Variants in AGMO observed in about 807,000 individuals in gnomAD.
AGMO encodes the protein glyceryl-ether monooxygenase.
In AGMO, 75 loss-of-function variants were observed where a neutral mutation model predicts 60.2. The observed-to-expected ratio is 1.25, with a 90% confidence interval of 1.03 to 1.51. The LOEUF (loss-of-function observed/expected upper bound fraction) is 1.51, where lower values mean the gene tolerates loss of function less well. AGMO is among the 40% of genes most tolerant of loss of function. AGMO has a pLI of 0.00. For synonymous variants in AGMO, 261 were observed against 177.1 expected (o/e 1.47, Z -3.76); for missense variants, 763 against 525.5 (o/e 1.45, Z -4.42).
chr7:15,548,129 CA>C (rs1486489887), intron 2 of AGMO, among the ~76,000 whole-genome samples: 1 of 152,052 alleles, frequency 6.6e-6, no homozygotes, highest in Non-Finnish European at 1.5e-5. Context: ...GGAAAACTAA[CA>C]AACAGAAAGG....
intron 12 of AGMO, among the ~76,000 whole-genome samples, chr7:15,262,901 C>G (rs1783315662): frequency 6.6e-6 from 1 of 151,950 alleles, no homozygotes; most frequent in Admixed American, 6.6e-5. Flanking sequence ...AAACTGGATC[C>G]ACATCTCTCA....
chr7:15,316,521 G>A (rs1176957837), intron 12 of AGMO, among the ~76,000 whole-genome samples: 1 of 152,100 alleles, frequency 6.6e-6, no homozygotes, highest in African/African-American at 2.4e-5. Flanking sequence ...CTTTTGATAA[G>A]GAAGTGTTAC....
chr7:15,353,151 A>G (rs1340367030), intron 12 of AGMO, among the ~76,000 whole-genome samples: 1 of 152,186 alleles, frequency 6.6e-6, no homozygotes, highest in Non-Finnish European at 1.5e-5. Flanking sequence ...GGGTGGAAAT[A>G]ACTTCTTAGG....
At chr7:15,280,119 A>G in intron 12 of AGMO, among the ~76,000 whole-genome samples, 1 of 152,110 alleles carries the variant, frequency 6.6e-6, no homozygotes, top group East Asian at 1.9e-4. Context: ...GAAATTGGGC[A>G]CCCCAGGTTT....
chr7:15,161,046 A>C, the AGMO span, among the ~76,000 whole-genome samples: 1 of 152,182 alleles, frequency 6.6e-6, no homozygotes, highest in Non-Finnish European at 1.5e-5. Flanking sequence ...ACCCACTTGC[A>C]CAATAATGAA....
chr7:15,287,538 A>T (rs1784133088), intron 12 of AGMO, among the ~76,000 whole-genome samples: 1 of 152,210 alleles, frequency 6.6e-6, no homozygotes, highest in Non-Finnish European at 1.5e-5. Flanking sequence ...CTATCTTGCT[A>T]AGAAAGTCAT....
intron 3 of AGMO, among the ~76,000 whole-genome samples, chr7:15,490,294 T>A (rs1783037115): frequency 6.6e-6 from 1 of 152,216 alleles, no homozygotes; most frequent in Non-Finnish European, 1.5e-5. Context: ...TCTGGTGGTA[T>A]AAATGTGTGA....
chr7:15,439,108 C>T (rs1424891791), intron 3 of AGMO, among the ~76,000 whole-genome samples: 3 of 152,046 alleles, frequency 2.0e-5, no homozygotes, highest in Non-Finnish European at 2.9e-5. Flanking sequence ...TATAGAAAAT[C>T]GAGAACATGA....
At chr7:15,269,269 T>C (rs1783524582) in intron 12 of AGMO, among the ~76,000 whole-genome samples, 1 of 152,090 alleles carries the variant, frequency 6.6e-6, no homozygotes, top group African/African-American at 2.4e-5. Context: ...ATATCAATAG[T>C]CTTTTCTTCC....
intron 2 of AGMO, among the ~76,000 whole-genome samples, chr7:15,547,259 G>T (rs1343557744): frequency 6.6e-6 from 1 of 152,112 alleles, no homozygotes; most frequent in African/African-American, 2.4e-5. Context: ...ATTTTCCCCA[G>T]TTGATAACCT....
chr7:15,354,387 T>TATACAGACGC lies in AGMO; in HGVS notation c.1263+11126_1263+11127insGCGTCTGTAT, dbSNP rs1563105157. Reference sequence around the variant, plus strand: ...GTATATAGACGTGTGTATACACGTGTGTGTATACACGTGTGTGTACACACG... The same window carrying TATACAGACGC: ...GTATATAGACGTGTGTATACACGTGTATACAGACGCGTGTATACACGTGTGTGTACACACG... On this transcript the variant is annotated intron_variant, in intron 12 of 12. Transcript: ENST00000342526. Among the ~76,000 whole-genome samples the TATACAGACGC allele has an allele frequency of 1.2e-3, 47 of 38,162 alleles. 4 individuals are homozygous for TATACAGACGC. Among genetic ancestry groups the TATACAGACGC allele is most frequent in the South Asian group, 1.8e-3 (2 of 1,112 alleles). The allele number at this position is 38,162 out of a possible 152,430, so 25.0% of individuals were successfully genotyped here.
chr7:15,187,161 A>C, the AGMO span, among the ~76,000 whole-genome samples: 1 of 152,130 alleles, frequency 6.6e-6, no homozygotes, highest in African/African-American at 2.4e-5. Flanking sequence ...ATTTTATAGA[A>C]TTGTGTCTAT....
At chr7:15,271,396 T>C (rs1056947551) in intron 12 of AGMO, among the ~76,000 whole-genome samples, 2 of 152,198 alleles carry the variant, frequency 1.3e-5, no homozygotes, top group Non-Finnish European at 2.9e-5. Flanking sequence ...CTTGGTTAAA[T>C]GTATTCCTAG....
At chr7:15,479,705 G>C (rs1297672651) in intron 3 of AGMO, among the ~76,000 whole-genome samples, 1 of 152,138 alleles carries the variant, frequency 6.6e-6, no homozygotes, top group East Asian at 1.9e-4. Flanking sequence ...CATCAACCCT[G>C]AAGGCCTGCC....
At position 15,354,399 on chromosome 7, in the gene AGMO, TGTGTGTAC is replaced by T. The variant is rs1563105305; in HGVS notation, c.1263+11107_1263+11114del. Among the ~76,000 whole-genome samples the T allele has an allele frequency of 4.5e-4, 15 of 33,234 alleles. 1 individual carries two copies. Among genetic ancestry groups the T allele is most frequent in the African/African-American group, 4.2e-3 (13 of 3,104 alleles). 21.8% of individuals were successfully genotyped at this position (33,234 alleles called of 152,430 possible). On this transcript the variant is annotated intron_variant, in intron 12 of 12. Coordinates refer to ENST00000342526, the MANE Select transcript of AGMO (RefSeq NM_001004320.2). ...GTGTATACACGTGTGTGTATACACGTGTGTGTACACACGTGTGTGTATACACACACGTG... is the reference window on the plus strand; with the variant it reads ...GTGTATACACGTGTGTGTATACACGTACACGTGTGTGTATACACACACGTG...
chr7:15,232,397 T>C (rs1782285970), intron 12 of AGMO, among the ~76,000 whole-genome samples: 1 of 152,164 alleles, frequency 6.6e-6, no homozygotes, highest in Non-Finnish European at 1.5e-5. Flanking sequence ...CTTCTCTCCT[T>C]CTCCCCACTG....
chr7:15,310,769 G>A (rs1780747102), intron 12 of AGMO, among the ~76,000 whole-genome samples: 1 of 152,146 alleles, frequency 6.6e-6, no homozygotes, highest in South Asian at 2.1e-4. Context: ...GAGGTCAGAA[G>A]TCTGAAATGG....
chr7:15,346,904 CTCAT>C (rs1305898298), intron 12 of AGMO, among the ~76,000 whole-genome samples: 7 of 151,764 alleles, frequency 4.6e-5, no homozygotes, highest in Non-Finnish European at 8.8e-5. Flanking sequence ...ATATTTATTT[CTCAT>C]TCATTCATGG....
intron 12 of AGMO, among the ~76,000 whole-genome samples, chr7:15,269,855 T>C (rs566965285): frequency 6.6e-6 from 1 of 152,118 alleles, no homozygotes; most frequent in Admixed American, 6.6e-5. Context: ...AATGAGAACA[T>C]GTGGTATTGG....
Sources: gnomAD v4.1 joint callset for allele counts (sites outside exome capture counted in the v4.1 genomes callset) on GRCh38, gnomAD v4.1.1 for gene constraint, MANE v1.5 for transcripts, NCBI Gene and HGNC (gene_info 2026-07-23, HGNC 2026-07-21) for gene names.